The following UNC13C variants were observed in gnomAD, a reference collection of about 807,000 sequenced individuals.
UNC13C encodes the protein unc-13 homolog C, also known as protein unc-13 homolog C.
A neutral mutation model predicts 245.4 loss-of-function variants in UNC13C; 174 were observed. The observed-to-expected ratio is 0.71, with a 90% CI of 0.63 to 0.80. UNC13C has a LOEUF of 0.80. Ranked by LOEUF, UNC13C falls within the 30% of genes least tolerant of loss-of-function variation. UNC13C has a pLI of 0.00. For synonymous variants in UNC13C, 992 were observed against 895.1 expected (o/e 1.11, Z -1.93); for missense variants, 2,829 against 2,602.9 (o/e 1.09, Z -1.89).
Position 54,234,931 on chromosome 15 carries a change from G to T in UNC13C, c.3072-99G>T, listed in dbSNP as rs74013511. On this transcript the variant is annotated intron_variant, in intron 4 of 32. Transcript: ENST00000260323. The stretch of plus-strand genomic sequence containing the variant: ...ATCGTTTGAAAACTATGGTATCCAG[G>T]TCATCTTTTTCACAGACTTTATACC... The T allele has an allele frequency of 4.0e-3, 4,003 of 1,011,798 alleles. 135 individuals are homozygous for T. The African/African-American group carries it at 0.059, about 15-fold the overall frequency. 62.7% of individuals were successfully genotyped at this position (1,011,798 alleles called of 1,614,324 possible).
At chr15:54,426,631 G>A (rs937327947) in intron 19 of UNC13C, among the ~76,000 whole-genome samples, 1 of 151,652 alleles carries the variant, frequency 6.6e-6, no homozygotes, top group African/African-American at 2.4e-5. Context: ...ACCCCAGAGG[G>A]GGTAAATAGT....
At chr15:54,140,406 CAGAG>C (rs758773989) in intron 2 of UNC13C, among the ~76,000 whole-genome samples, 6 of 151,748 alleles carry the variant, frequency 4.0e-5, no homozygotes, top group Non-Finnish European at 5.9e-5. Flanking sequence ...GTAAAAAAAA[CAGAG>C]AGAGAGATTA....
the UNC13C span, among the ~76,000 whole-genome samples, chr15:53,933,760 C>T: frequency 6.6e-6 from 1 of 152,138 alleles, no homozygotes; most frequent in African/African-American, 2.4e-5. Context: ...ATCTGGTGAC[C>T]ATTTATTGAA....
At chr15:53,878,178 G>T in the UNC13C span, among the ~76,000 whole-genome samples, 1 of 152,064 alleles carries the variant, frequency 6.6e-6, no homozygotes, top group African/African-American at 2.4e-5. Flanking sequence ...TCACAGGATT[G>T]CTTGGAAATG....
At chr15:54,376,559 C>G (rs983543440) in intron 17 of UNC13C, among the ~76,000 whole-genome samples, 8 of 152,272 alleles carry the variant, frequency 5.3e-5, no homozygotes, top group African/African-American at 1.7e-4. Context: ...GACTGATACT[C>G]AAGTAGTCTT....
intron 2 of UNC13C, among the ~76,000 whole-genome samples, chr15:54,016,778 T>C (rs1403436964): frequency 6.6e-6 from 1 of 152,202 alleles, no homozygotes; most frequent in African/African-American, 2.4e-5. Context: ...ATTACTTACA[T>C]TTTTGGAATA....
intron 4 of UNC13C, among the ~76,000 whole-genome samples, chr15:54,182,883 T>G (rs1595962323): frequency 2.0e-5 from 3 of 152,042 alleles, no homozygotes; most frequent in African/African-American, 7.2e-5. Flanking sequence ...ATACAGCCTA[T>G]AACATATGCA....
At chr15:54,571,514 A>T (rs941896090) in intron 30 of UNC13C, among the ~76,000 whole-genome samples, 8 of 152,216 alleles carry the variant, frequency 5.3e-5, no homozygotes, top group Admixed American at 5.2e-4. Flanking sequence ...CGGTGTAAAT[A>T]TTGTTGCAAT....
intron 18 of UNC13C, among the ~76,000 whole-genome samples, chr15:54,405,851 T>C (rs529860634): frequency 4.8e-4 from 73 of 152,302 alleles, no homozygotes; most frequent in African/African-American, 1.6e-3. Flanking sequence ...TTGCAAATGT[T>C]ACTAAGTTAT....
At chr15:53,999,438 G>T (rs574961884) in intron 1 of UNC13C, among the ~76,000 whole-genome samples, 12 of 151,614 alleles carry the variant, frequency 7.9e-5, no homozygotes, top group Non-Finnish European at 1.8e-4. Flanking sequence ...TCTCATTGTC[G>T]GTTTAATATC....
At position 54,180,623 on chromosome 15, in the gene UNC13C, A is replaced by G. The variant is rs116363389; in HGVS notation, c.3071+36939A>G. ...ACTAATTTACATTCCCACTAAGTGTATAAGTGATCCCTTTTCTCTGCATCC... is the reference window on the plus strand; with the variant it reads ...ACTAATTTACATTCCCACTAAGTGTGTAAGTGATCCCTTTTCTCTGCATCC... On this transcript the variant is annotated intron_variant, in intron 4 of 32. Coordinates refer to ENST00000260323, the MANE Select transcript of UNC13C (RefSeq NM_001080534.3). Among the ~76,000 whole-genome samples, 914 of 152,172 alleles carry G rather than the reference A, an allele frequency of 6.0e-3. 11 individuals are homozygous for G. The highest frequency in any genetic ancestry group is 0.021 in the African/African-American group (875 of 41,542).
chr15:54,094,674 C>T (rs1190117300), intron 2 of UNC13C, among the ~76,000 whole-genome samples: 1 of 152,140 alleles, frequency 6.6e-6, no homozygotes, highest in Non-Finnish European at 1.5e-5. Context: ...TTGAACACTT[C>T]CCTAAAGTCT....
At chr15:54,308,034 C>T (rs1319734122) in intron 13 of UNC13C, among the ~76,000 whole-genome samples, 6 of 151,896 alleles carry the variant, frequency 4.0e-5, no homozygotes, top group Admixed American at 3.3e-4. Flanking sequence ...AAATTGCTTG[C>T]AACAATCTAA....
At chr15:54,343,541 A>G (rs1270946038) in intron 17 of UNC13C, among the ~76,000 whole-genome samples, 2 of 152,148 alleles carry the variant, frequency 1.3e-5, no homozygotes, top group Admixed American at 6.5e-5. Flanking sequence ...AAATTTTATA[A>G]TTTCCATGAA....
chr15:53,914,232 G>C, the UNC13C span: 1 of 149,864 alleles, frequency 6.7e-6, no homozygotes, highest in African/African-American at 2.5e-5. Flanking sequence ...GATGTGCTTT[G>C]GTCAAGGAAT....
At chr15:54,425,207 A>G (rs2040735156) in intron 19 of UNC13C, among the ~76,000 whole-genome samples, 1 of 151,876 alleles carries the variant, frequency 6.6e-6, no homozygotes, top group South Asian at 2.1e-4. Flanking sequence ...TACAGTGAGT[A>G]AAAACTCACA....
chr15:54,421,291 A>T (rs368174484), intron 19 of UNC13C, among the ~76,000 whole-genome samples: 3 of 152,088 alleles, frequency 2.0e-5, no homozygotes, highest in East Asian at 3.9e-4. Flanking sequence ...TTCTTGGAGA[A>T]TCTAATAAAA....
intron 24 of UNC13C, chr15:54,512,319 A>G (rs989203031): frequency 6.6e-6 from 3 of 455,764 alleles, no homozygotes; most frequent in East Asian, 6.9e-5. Flanking sequence ...TCTTTGTCCA[A>G]CATCTTTGAC....
chr15:54,219,788 T>A (rs1054931286), intron 4 of UNC13C, among the ~76,000 whole-genome samples: 1 of 151,084 alleles, frequency 6.6e-6, no homozygotes, highest in Admixed American at 6.6e-5. Flanking sequence ...GGGCAAAGGA[T>A]ATGAACAGAC....
Sources: allele counts gnomAD v4.1 joint callset (sites outside exome capture counted in the v4.1 genomes callset), GRCh38; gene constraint gnomAD v4.1.1; transcripts MANE v1.5; gene names NCBI Gene and HGNC (gene_info 2026-07-23, HGNC 2026-07-21).